The following SCFD2 variants were observed in gnomAD, a reference collection of about 807,000 sequenced individuals.
SCFD2 encodes the protein sec1 family domain-containing protein 2.
Under a neutral mutation model 58.9 loss-of-function variants are expected in SCFD2, and 54 were observed. The observed-to-expected ratio is 0.92, with a 90% CI of 0.74 to 1.15. SCFD2 has a LOEUF of 1.15. Among genes scored for constraint, SCFD2 ranks in the 50% most tolerant of loss-of-function variants. The pLI is 0.00. For synonymous variants in SCFD2, 321 were observed against 335.9 expected (o/e 0.96, Z 0.49); for missense variants, 805 against 836.6 (o/e 0.96, Z 0.47).
At chr4:52,985,194 A>G (rs1190920522) in intron 5 of SCFD2, among the ~76,000 whole-genome samples, 1 of 152,200 alleles carries the variant, frequency 6.6e-6, no homozygotes, top group Non-Finnish European at 1.5e-5. Flanking sequence ...GCTCCTTCGC[A>G]GTAAGGGTCA....
At chr4:53,216,551 G>T (rs1279984378) in intron 4 of SCFD2, among the ~76,000 whole-genome samples, 2 of 151,430 alleles carry the variant, frequency 1.3e-5, no homozygotes, top group African/African-American at 4.9e-5. Context: ...TTCTTTATTA[G>T]TCTTGCTAGC....
In SCFD2 at chr4:53,365,916, A is replaced by G; in HGVS notation, c.26T>C (p.Phe9Ser). ...CACCTGCTCCCATCCTTGCTGGGTA[A>G]AGGACAGTACGCCCGAGGCGCTCAT... is the stretch of plus-strand genomic sequence containing the variant. MSASGVLSFTQQGWEQVLA... is the reference protein window; with the variant it reads MSASGVLSSTQQGWEQVLA... The change falls in exon 1 of 9, where the codon TTT (phenylalanine) becomes TCT (serine). Residue 9 changes from phenylalanine to serine, a missense_variant. Transcript: ENST00000401642. The surrounding 1 kb of genome is among the most constrained non-coding windows in gnomAD (Gnocchi z 4.3). 6.4e-7 allele frequency: 1 copy of G among 1,571,606 alleles called. No homozygotes were observed. Among genetic ancestry groups the G allele is most frequent in the Non-Finnish European group, 8.6e-7 (1 of 1,162,146 alleles).
chr4:52,938,512 G>A (rs368708932), intron 5 of SCFD2, among the ~76,000 whole-genome samples: 2 of 152,142 alleles, frequency 1.3e-5, no homozygotes, highest in East Asian at 1.9e-4. Flanking sequence ...GAGTTACTTA[G>A]AAACTGCACT....
intron 5 of SCFD2, among the ~76,000 whole-genome samples, chr4:52,969,462 C>A (rs115247875): frequency 6.6e-6 from 1 of 152,086 alleles, no homozygotes; most frequent in Non-Finnish European, 1.5e-5. Context: ...TCATAAGGGC[C>A]CCTCTCAAAC....
At chr4:52,936,299 T>G (rs1371753365) in intron 5 of SCFD2, among the ~76,000 whole-genome samples, 4 of 152,168 alleles carry the variant, frequency 2.6e-5, no homozygotes, top group African/African-American at 9.7e-5. Context: ...AAACTCATCC[T>G]CCTGTCCTTG....
chr4:53,217,603 C>A (rs1037198403), intron 4 of SCFD2, among the ~76,000 whole-genome samples: 1 of 152,118 alleles, frequency 6.6e-6, no homozygotes, highest in African/African-American at 2.4e-5. Context: ...TCCAATTTGC[C>A]AGTCTGTGTC....
intron 4 of SCFD2, among the ~76,000 whole-genome samples, chr4:53,225,391 A>G (rs1942967459): frequency 6.6e-6 from 1 of 152,108 alleles, no homozygotes. Flanking sequence ...AGCCACTATT[A>G]TTTCCTCATC....
intron 4 of SCFD2, among the ~76,000 whole-genome samples, chr4:53,273,067 G>C (rs1731224460): frequency 6.6e-6 from 1 of 151,894 alleles, no homozygotes; most frequent in Admixed American, 6.6e-5. Context: ...TGGTTATATA[G>C]TATCAAAAAT....
intron 8 of SCFD2, among the ~76,000 whole-genome samples, chr4:52,884,750 G>A (rs1489836258): frequency 2.0e-5 from 3 of 152,104 alleles, no homozygotes; most frequent in Non-Finnish European, 4.4e-5. Context: ...AGAAGCAGGG[G>A]TTCTCCTCTT....
intron 4 of SCFD2, among the ~76,000 whole-genome samples, chr4:53,253,125 G>A (rs1033191066): frequency 3.3e-5 from 5 of 152,076 alleles, no homozygotes; most frequent in African/African-American, 1.2e-4. Context: ...GCAGCCAAAA[G>A]ACACATGAAA....
intron 5 of SCFD2, among the ~76,000 whole-genome samples, chr4:53,025,706 A>T (rs1377545653): frequency 6.6e-6 from 1 of 152,230 alleles, no homozygotes; most frequent in African/African-American, 2.4e-5. Context: ...TTGATGCGGG[A>T]AAAACTACCA....
At chr4:53,178,349 G>A (rs996069735) in intron 4 of SCFD2, among the ~76,000 whole-genome samples, 21 of 152,140 alleles carry the variant, frequency 1.4e-4, no homozygotes, top group African/African-American at 4.6e-4. Context: ...ACCAATATCC[G>A]CTGTTCTGCA....
intron 5 of SCFD2, among the ~76,000 whole-genome samples, chr4:52,921,432 C>A (rs535109678): frequency 1.3e-5 from 2 of 152,114 alleles, no homozygotes; most frequent in Non-Finnish European, 2.9e-5. Flanking sequence ...GTTTCTTTTT[C>A]AAACTCAGAA....
At chr4:53,135,738 C>T (rs1407610538) in intron 5 of SCFD2, among the ~76,000 whole-genome samples, 1 of 150,998 alleles carries the variant, frequency 6.6e-6, no homozygotes, top group Non-Finnish European at 1.5e-5. Flanking sequence ...GAGACTCCAT[C>T]TCAAAAAAAA....
At chr4:53,125,798 G>A (rs1244472250) in intron 5 of SCFD2, among the ~76,000 whole-genome samples, 1 of 152,180 alleles carries the variant, frequency 6.6e-6, no homozygotes, top group Non-Finnish European at 1.5e-5. Context: ...GACTGGCAGG[G>A]TTTAGGGCCT....
chr4:53,360,570 G>A (rs1734522765), intron 1 of SCFD2, among the ~76,000 whole-genome samples: 1 of 152,128 alleles, frequency 6.6e-6, no homozygotes, highest in African/African-American at 2.4e-5. Flanking sequence ...ACCCTACCAG[G>A]CCATTGCTGC....
chr4:52,877,222 T>C (rs1312694894), intron 8 of SCFD2, among the ~76,000 whole-genome samples: 2 of 152,198 alleles, frequency 1.3e-5, no homozygotes, highest in Non-Finnish European at 2.9e-5. Context: ...AGGCCAGCCC[T>C]CACATCTGAA....
At chr4:52,897,514 A>G (rs1352362652) in intron 7 of SCFD2, among the ~76,000 whole-genome samples, 3 of 152,276 alleles carry the variant, frequency 2.0e-5, no homozygotes, top group East Asian at 3.9e-4. Context: ...AGCCCAGTTG[A>G]TCATGGTGGA....
In SCFD2 at chr4:52,948,214, G is replaced by C. The variant is rs112396968; in HGVS notation, c.1562-27344C>G. On this transcript the variant is annotated intron_variant, in intron 5 of 8. Coordinates refer to ENST00000401642, the MANE Select transcript of SCFD2 (RefSeq NM_152540.4). ...AAGGCTATTACATGCCTGGAACACA[G>C]CAAGTGCTCTGTTAATGCGCTTTCT... is the stretch of plus-strand genomic sequence containing the variant. 333 of 245,236 alleles carry C rather than the reference G, an allele frequency of 1.4e-3. 1 individual carries two copies. The highest frequency in any genetic ancestry group is 7.3e-3 in the African/African-American group (324 of 44,268). The allele number at this position is 245,236 out of a possible 1,614,324, so 15.2% of individuals were successfully genotyped here.
Sources: gnomAD v4.1 joint callset for allele counts (sites outside exome capture counted in the v4.1 genomes callset) on GRCh38, gnomAD v4.1.1 for gene constraint, Gnocchi (gnomAD v3.1) non-coding constraint, MANE v1.5 for transcripts, NCBI Gene and HGNC (gene_info 2026-07-23, HGNC 2026-07-21) for gene names.